The following COG6 variants were observed in gnomAD, a reference collection of about 807,000 sequenced individuals.
COG6 encodes the protein conserved oligomeric Golgi complex subunit 6.
A neutral mutation model predicts 88.8 loss-of-function variants in COG6; 74 were observed. That is an observed-to-expected ratio of 0.83 (90% CI 0.69 to 1.01). The LOEUF is 1.01. Ranked by LOEUF, COG6 falls within the 50% of genes least tolerant of loss-of-function variation. The pLI is 0.00. For missense variants in COG6, 800 were observed against 797.9 expected (o/e 1.00, Z -0.03); for synonymous variants, 286 against 278.7 (o/e 1.03, Z -0.26).
chr13:39,716,860 A>G (rs1046956944), intron 13 of COG6, among the ~76,000 whole-genome samples: 5 of 152,166 alleles, frequency 3.3e-5, no homozygotes, highest in Non-Finnish European at 5.9e-5. Flanking sequence ...TTATTGCCTC[A>G]TGCAGTTTTC....
Position 39,750,976 on chromosome 13 carries a change from A to C in COG6, c.1857A>C (p.Leu619Phe), listed in dbSNP as rs769882068. ...AGATCGTAAAACAATCTACAGAATT[A>C]GTCTGCAGAGCCTATGGTGAAGTGT... Reference protein sequence around the residue: ...KEQIVKQSTELVCRAYGEVYA... With the variant: ...KEQIVKQSTEFVCRAYGEVYA... Residue 619 changes from leucine to phenylalanine, a missense_variant, in exon 19 of 19, where the codon TTA becomes TTC. Leu to Phe is a conservative substitution (Grantham distance 22, BLOSUM62 0). Transcript: ENST00000455146. The C allele has an allele frequency of 1.2e-6, 2 of 1,613,526 alleles. No homozygotes were observed. Among genetic ancestry groups the C allele is most frequent in the East Asian group, 2.2e-5 (1 of 44,834 alleles).
At chr13:39,680,451 G>T (rs1004115125) in intron 7 of COG6, among the ~76,000 whole-genome samples, 2 of 152,150 alleles carry the variant, frequency 1.3e-5, no homozygotes, top group Non-Finnish European at 2.9e-5. Context: ...TTCTGCTGTT[G>T]CTGTAACAAA....
intron 18 of COG6, among the ~76,000 whole-genome samples, chr13:39,739,528 T>C (rs1322144301): frequency 1.3e-5 from 2 of 151,942 alleles, no homozygotes. Flanking sequence ...CTGAAAGATA[T>C]AAAAAATCAT....
At chr13:39,743,763 A>G (rs1329064148) in intron 18 of COG6, among the ~76,000 whole-genome samples, 1 of 152,336 alleles carries the variant, frequency 6.6e-6, no homozygotes, top group East Asian at 1.9e-4. Flanking sequence ...TGAGGCCAGC[A>G]TCATCCTGAT....
chr13:39,781,634 C>T (rs1368731925), intron 18 of COG6, among the ~76,000 whole-genome samples: 1 of 151,940 alleles, frequency 6.6e-6, no homozygotes, highest in African/African-American at 2.4e-5. Context: ...TTTCTAAGCC[C>T]CATCCTTCTC....
At chr13:39,663,699 A>C (rs1875057347) in intron 3 of COG6, among the ~76,000 whole-genome samples, 1 of 152,028 alleles carries the variant, frequency 6.6e-6, no homozygotes, top group African/African-American at 2.4e-5. Flanking sequence ...AGCCTGGGCA[A>C]CATAGCAAGA....
At chr13:39,767,021 G>T (rs749829840) in intron 18 of COG6, among the ~76,000 whole-genome samples, 9 of 152,256 alleles carry the variant, frequency 5.9e-5, no homozygotes, top group Non-Finnish European at 1.2e-4. Flanking sequence ...TTGTTTTAAA[G>T]GGTGATAGGG....
Position 39,717,980 on chromosome 13 carries a change from T to C in COG6, c.1285-1256T>C, listed in dbSNP as rs7323140. 6.5e-3 allele frequency among the ~76,000 whole-genome samples: 987 copies of C among 152,330 alleles called. 9 individuals carry two copies. The highest frequency in any genetic ancestry group is 0.022 in the African/African-American group (916 of 41,570). ...ATTCCTGTCTCTTTATTGATATTCT[T>C]TATTTGGTGAGACATTGTTTTCATA... On this transcript the variant is annotated intron_variant, in intron 13 of 18. Transcript: ENST00000455146.
Position 39,655,888 on chromosome 13 carries a change from G to C in COG6, c.153+9G>C. 1.2e-6 allele frequency: 2 copies of C among 1,603,944 alleles called. No individual in the cohort carries two copies. The highest frequency in any genetic ancestry group is 2.7e-5 in the African/African-American group (2 of 74,832). The stretch of plus-strand genomic sequence containing the variant: ...GGCTGGACAACGACAAGGTAACCGG[G>C]GCTGGCGGGGCCGGAGTCACAGGTT... On this transcript the variant is annotated intron_variant, in intron 1 of 18. Transcript: ENST00000455146.
chr13:39,687,404 G>A, intron 8 of COG6, 99 bp from the exon 9 acceptor site: 1 of 1,079,896 alleles, frequency 9.3e-7, no homozygotes, highest in South Asian at 1.3e-5. Context: ...AGCTTTAAGT[G>A]CTTTTTAAGT....
At chr13:39,710,609 A>G (rs981413794) in intron 13 of COG6, among the ~76,000 whole-genome samples, 1 of 152,154 alleles carries the variant, frequency 6.6e-6, no homozygotes, top group Non-Finnish European at 1.5e-5. Context: ...GTTTAGAGAT[A>G]ATTCAGTAAA....
chr13:39,708,263 C>T (rs1230930032), intron 13 of COG6, among the ~76,000 whole-genome samples: 2 of 152,146 alleles, frequency 1.3e-5, no homozygotes, highest in East Asian at 1.9e-4. Flanking sequence ...AGTTTTCAAA[C>T]ATGTGTTTGG....
At chr13:39,684,243 A>ATTTTTGTTTT (rs1876492846) in intron 8 of COG6, among the ~76,000 whole-genome samples, 1 of 67,382 alleles carries the variant, frequency 1.5e-5, no homozygotes, top group Non-Finnish European at 2.5e-5. Context: ...AATTTGGAAG[A>ATTTTTGTTTT]TTTTTTTTTT....
chr13:39,693,696 G>T (rs1877107335), intron 11 of COG6, among the ~76,000 whole-genome samples: 1 of 151,842 alleles, frequency 6.6e-6, no homozygotes. Flanking sequence ...ATTGATTTCT[G>T]TAATCTAAGA....
chr13:39,766,448 G>A (rs1044425118), intron 18 of COG6, among the ~76,000 whole-genome samples: 2 of 152,008 alleles, frequency 1.3e-5, no homozygotes, highest in African/African-American at 4.8e-5. Context: ...AAAAAACCTG[G>A]GGGAACAAGA....
intron 10 of COG6, among the ~76,000 whole-genome samples, chr13:39,688,835 G>A (rs1000844314): frequency 6.6e-6 from 1 of 152,132 alleles, no homozygotes; most frequent in African/African-American, 2.4e-5. Context: ...TTTAGTGTAT[G>A]ATTTTAAAGT....
chr13:39,776,247 G>T (rs888733629), intron 18 of COG6, among the ~76,000 whole-genome samples: 11 of 152,200 alleles, frequency 7.2e-5, no homozygotes, highest in Non-Finnish European at 1.6e-4. Flanking sequence ...GGGAGGAGGA[G>T]TAGGCAGAAG....
At chr13:39,666,950 A>T (rs1593409429) in intron 4 of COG6, among the ~76,000 whole-genome samples, 1 of 152,186 alleles carries the variant, frequency 6.6e-6, no homozygotes, top group African/African-American at 2.4e-5. Flanking sequence ...CATGTACCTT[A>T]TCTTAGACCT....
chr13:39,771,538 A>G (rs1881318686), intron 18 of COG6, among the ~76,000 whole-genome samples: 1 of 152,238 alleles, frequency 6.6e-6, no homozygotes. Flanking sequence ...GCATTGGCAC[A>G]GAAGGATGGT....
Sources: gnomAD v4.1 joint callset for allele counts (sites outside exome capture counted in the v4.1 genomes callset) on GRCh38, gnomAD v4.1.1 for gene constraint, MANE v1.5 for transcripts, NCBI Gene and HGNC (gene_info 2026-07-23, HGNC 2026-07-21) for gene names.